The following POU3F3 variants were observed in gnomAD, a reference collection of about 807,000 sequenced individuals.
POU3F3 encodes the protein POU class 3 homeobox 3, also known as POU domain, class 3, transcription factor 3.
POU3F3 carries 1 observed loss-of-function variant against 8.6 expected under a neutral mutation model. That is an observed-to-expected ratio of 0.12 (90% CI 0.04 to 0.55). POU3F3 has a LOEUF of 0.55. POU3F3 is among the 20% of genes least tolerant of loss of function. POU3F3 has a pLI of 0.91. For missense variants in POU3F3, 577 were observed against 690.7 expected, an observed-to-expected ratio of 0.84 and a Z score of 1.84; for synonymous variants, 418 against 327.4, an observed-to-expected ratio of 1.28 and a Z score of -2.99.
downstream of POU3F3, among the ~76,000 whole-genome samples, chr2:104,861,738 C>CTGT (rs918673055): frequency 2.6e-5 from 4 of 152,144 alleles, no homozygotes; most frequent in African/African-American, 9.7e-5. Flanking sequence ...GCTGCTGCTG[C>CTGT]TGTTGTTGTT....
chr2:104,863,649 A>G, the POU3F3 span, among the ~76,000 whole-genome samples: 1 of 152,006 alleles, frequency 6.6e-6, no homozygotes, highest in African/African-American at 2.4e-5. Flanking sequence ...ACGGATCTGG[A>G]CCCGTGACCC....
downstream of POU3F3, among the ~76,000 whole-genome samples, chr2:104,859,797 A>G (rs1676634147): frequency 6.6e-6 from 1 of 152,230 alleles, no homozygotes; most frequent in Non-Finnish European, 1.5e-5. Context: ...AAAAATGAAG[A>G]CAAGAAACCA....
the POU3F3 span, among the ~76,000 whole-genome samples, chr2:104,881,131 T>TTTCTTTC: frequency 6.6e-6 from 1 of 150,476 alleles, no homozygotes; most frequent in East Asian, 2.0e-4. Context: ...ACTTTCTTTC[T>TTTCTTTC]TTCTTTCTTT....
the POU3F3 span, among the ~76,000 whole-genome samples, chr2:104,863,889 G>A: frequency 6.7e-4 from 102 of 152,358 alleles, no homozygotes; most frequent in African/African-American, 2.3e-3. Flanking sequence ...CGAGGTCTAG[G>A]CAGCTGGGAC....
Position 104,854,774 on chromosome 2 carries a change from C to G in POU3F3, c.-737C>G, listed in dbSNP as rs1676513081. The stretch of plus-strand genomic sequence containing the variant: ...CCTCTCCGCACTCGCGAGCAGCCAG[C>G]AGCACCACGCCTTCAAGGACGAAAA... On this transcript the variant is annotated 5_prime_UTR_variant, in exon 1 of 1. Transcript: ENST00000361360. The surrounding 1 kb of genome is among the most constrained non-coding windows in gnomAD (Gnocchi z 4.5). Among the ~76,000 whole-genome samples, 1 of 152,126 alleles carries G rather than the reference C, an allele frequency of 6.6e-6. No individual in the cohort carries two copies. The highest frequency in any genetic ancestry group is 2.4e-5 in the African/African-American group (1 of 41,426).
At chr2:104,862,829 C>T (rs1676682669), downstream of POU3F3, among the ~76,000 whole-genome samples, 7 of 152,150 alleles carry the variant, frequency 4.6e-5, 1 homozygote, top group South Asian at 1.5e-3. Context: ...GCCACTCTGA[C>T]ACAGCAACCC....
chr2:104,856,356 G>C lies in POU3F3; in HGVS notation c.846G>C (p.Pro282=), dbSNP rs760289602. 2.6e-6 allele frequency: 4 copies of C among 1,522,408 alleles called. No individual in the cohort carries two copies. The highest frequency in any genetic ancestry group is 2.1e-4 in the Middle Eastern group (1 of 4,778). The allele number at this position is 1,522,408 out of a possible 1,614,324, so 94.3% of individuals were successfully genotyped here. The change falls in exon 1 of 1, where the codon CCG becomes CCC. Residue 282 remains proline (P), a synonymous_variant. Transcript: ENST00000361360. ...ACCACCACCACGCGCATCCTCACCC[G>C]CCGCACCCGCACCACGCGCAGGGAC... ...HHHHHHAHPH[P]PHPHHAQGPP...
At chr2:104,877,069 G>C in the POU3F3 span, among the ~76,000 whole-genome samples, 2 of 129,432 alleles carry the variant, frequency 1.5e-5, no homozygotes, top group East Asian at 2.3e-4. Flanking sequence ...CACACACACA[G>C]AGTCATTGCC....
At chr2:104,906,301 A>G in the POU3F3 span, among the ~76,000 whole-genome samples, 2 of 152,292 alleles carry the variant, frequency 1.3e-5, no homozygotes, top group East Asian at 3.9e-4. Context: ...TTCTGCATGG[A>G]ATGCCCTTTT....
chr2:104,873,685 T>C, the POU3F3 span, among the ~76,000 whole-genome samples: 1 of 152,190 alleles, frequency 6.6e-6, no homozygotes, highest in African/African-American at 2.4e-5. Context: ...GAGCCCAGGA[T>C]GGGCGGAGGA....
chr2:104,871,262 A>G, the POU3F3 span, among the ~76,000 whole-genome samples: 84 of 152,354 alleles, frequency 5.5e-4, no homozygotes, highest in African/African-American at 1.9e-3. Context: ...AGACTCCATT[A>G]TTTACCAGCA....
chr2:104,861,595 A>C (rs530873120), downstream of POU3F3, among the ~76,000 whole-genome samples: 1 of 152,338 alleles, frequency 6.6e-6, no homozygotes, highest in South Asian at 2.1e-4. Context: ...GATGTGAAAA[A>C]AGAAGAGTTG....
At chr2:104,912,733 T>G in the POU3F3 span, among the ~76,000 whole-genome samples, 2 of 152,228 alleles carry the variant, frequency 1.3e-5, no homozygotes, top group Non-Finnish European at 2.9e-5. Context: ...CTGGGTTTGC[T>G]GGGGACACCT....
At chr2:104,897,507 C>T in the POU3F3 span, among the ~76,000 whole-genome samples, 1 of 152,220 alleles carries the variant, frequency 6.6e-6, no homozygotes, top group Non-Finnish European at 1.5e-5. Flanking sequence ...CTACAGCCCA[C>T]TCAGCCAATC....
rs765892800 is a variant in POU3F3, at chr2:104,855,753, C to A, written c.243C>A (p.Ala81=). The change falls in exon 1 of 1, where the codon GCC becomes GCA. Residue 81 remains alanine (A), a synonymous_variant. Transcript: ENST00000361360. ...KMVQSDFMQG[A]MAASNGGHML... ...TCCAGAGCGACTTCATGCAGGGGGC[C>A]ATGGCCGCCAGCAACGGCGGCCATA... The A allele has an allele frequency of 3.8e-6, 5 of 1,322,606 alleles. No homozygotes were observed. The Admixed American group carries it at 1.1e-4, about 30-fold the overall frequency. 81.9% of individuals were successfully genotyped at this position (1,322,606 alleles called of 1,614,324 possible). A position where few individuals can be genotyped will look rare whatever the true frequency, so the allele number is the denominator to read the frequency against.
At position 104,857,102 on chromosome 2, in the gene POU3F3, C is replaced by CCCT; in HGVS notation, c.*89_*90insCCT. 1.0e-6 allele frequency: 1 copy of CCCT among 978,140 alleles called. No homozygotes were observed. The highest frequency in any genetic ancestry group is 1.2e-6 in the Non-Finnish European group (1 of 825,670). The allele number at this position is 978,140 out of a possible 1,614,324, so 60.6% of individuals were successfully genotyped here. ...CCGCCGCCCCTGCCGCCGCCGCCGCCGCCGCCGCCGCCGCTGCCGCCGCCG... is the reference window on the plus strand; with the variant it reads ...CCGCCGCCCCTGCCGCCGCCGCCGCCCCTGCCGCCGCCGCCGCTGCCGCCGCCG... On this transcript the variant is annotated 3_prime_UTR_variant, in exon 1 of 1. Coordinates refer to ENST00000361360, the MANE Select transcript of POU3F3 (RefSeq NM_006236.3).
chr2:104,891,875 T>C, the POU3F3 span, among the ~76,000 whole-genome samples: 3 of 152,334 alleles, frequency 2.0e-5, no homozygotes, highest in African/African-American at 7.2e-5. Context: ...TACAAAAATA[T>C]GGCACAAACC....
At chr2:104,876,914 A>G in the POU3F3 span, among the ~76,000 whole-genome samples, 1 of 152,160 alleles carries the variant, frequency 6.6e-6, no homozygotes, top group South Asian at 2.1e-4. Flanking sequence ...GGCTTGAAGG[A>G]AGGGGATTGG....
At position 104,854,706 on chromosome 2, in the gene POU3F3, T is replaced by C. The variant is rs769892515; in HGVS notation, c.-805T>C. 2.7e-4 allele frequency among the ~76,000 whole-genome samples: 41 copies of C among 152,058 alleles called. No individual in the cohort carries two copies. The highest frequency in any genetic ancestry group is 5.3e-4 in the Non-Finnish European group (36 of 67,976). On this transcript the variant is annotated 5_prime_UTR_variant, in exon 1 of 1. Transcript: ENST00000361360. This position sits in a 1 kb window ranked among gnomAD's most constrained non-coding sequence, Gnocchi z 4.5. ...AAGTTTTCCTAGGACAGAACAAAAC[T>C]TGAAACGAGAGGACCAGAGGGGGAG...
Sources: gnomAD v4.1 joint callset for allele counts (sites outside exome capture counted in the v4.1 genomes callset) on GRCh38, gnomAD v4.1.1 for gene constraint, Gnocchi (gnomAD v3.1) non-coding constraint, MANE v1.5 for transcripts, NCBI Gene and HGNC (gene_info 2026-07-23, HGNC 2026-07-21) for gene names.